ROCK1: variants seen among roughly 807,000 people sequenced by gnomAD.
ROCK1 encodes the protein rho-associated protein kinase 1.
Under a neutral mutation model 196.8 loss-of-function variants are expected in ROCK1, and 36 were observed. The ratio of observed to expected loss-of-function variants is 0.18; its 90% CI spans 0.14 to 0.24. The LOEUF (loss-of-function observed/expected upper bound fraction) is 0.24. Among genes scored for constraint, ROCK1 ranks in the 10% least tolerant of loss-of-function variants. The pLI is 1.00. For missense variants in ROCK1, 920 were observed against 1,562.0 expected (o/e 0.59, Z 6.93); for synonymous variants, 443 against 515.9 (o/e 0.86, Z 1.91).
At chr18:21,061,514 G>A (rs889678688) in intron 2 of ROCK1, among the ~76,000 whole-genome samples, 3 of 152,202 alleles carry the variant, frequency 2.0e-5, no homozygotes, top group African/African-American at 7.2e-5. Flanking sequence ...AGGAGTGGGG[G>A]TGATGGAACT....
At chr18:21,095,455 C>G (rs901274835) in intron 1 of ROCK1, among the ~76,000 whole-genome samples, 3 of 152,074 alleles carry the variant, frequency 2.0e-5, no homozygotes, top group Admixed American at 6.6e-5. Flanking sequence ...TGGAAGCAAC[C>G]TAAGTGTCCA....
chr18:20,973,179 TA>T (rs992881541), intron 22 of ROCK1, among the ~76,000 whole-genome samples: 48 of 150,922 alleles, frequency 3.2e-4, no homozygotes, highest in African/African-American at 1.1e-3. Flanking sequence ...ACGCCCGGTG[TA>T]AGAGGGTTGT....
At chr18:21,086,055 T>C (rs972069879) in intron 1 of ROCK1, among the ~76,000 whole-genome samples, 6 of 152,170 alleles carry the variant, frequency 3.9e-5, no homozygotes, top group African/African-American at 1.4e-4. Flanking sequence ...ATTTGTTATT[T>C]TGGGGAAAAA....
At chr18:21,091,061 CAATAA>C (rs2036565869) in intron 1 of ROCK1, among the ~76,000 whole-genome samples, 1 of 127,398 alleles carries the variant, frequency 7.8e-6, no homozygotes, top group African/African-American at 2.8e-5. Context: ...TTTTTTTTTT[CAATAA>C]AATATACACC....
At chr18:21,068,597 C>T (rs746934780) in intron 2 of ROCK1, among the ~76,000 whole-genome samples, 2 of 152,100 alleles carry the variant, frequency 1.3e-5, no homozygotes, top group Non-Finnish European at 2.9e-5. Context: ...TTGTACAATC[C>T]ATGAACATTG....
chr18:21,075,216 CT>C (rs1296088607), intron 1 of ROCK1, among the ~76,000 whole-genome samples: 1 of 151,968 alleles, frequency 6.6e-6, no homozygotes, highest in Non-Finnish European at 1.5e-5. Context: ...ATGAAAGCAA[CT>C]AGGAGGATAC....
intron 12 of ROCK1, among the ~76,000 whole-genome samples, chr18:21,019,574 A>G (rs754341239): frequency 9.9e-5 from 15 of 152,126 alleles, no homozygotes; most frequent in Admixed American, 2.6e-4. Context: ...CGGGCAGATC[A>G]CGAGGTCAGG....
chr18:20,972,808 G>T (rs904659875), intron 22 of ROCK1, among the ~76,000 whole-genome samples: 1 of 152,186 alleles, frequency 6.6e-6, no homozygotes, highest in African/African-American at 2.4e-5. Context: ...GAAGACGGTG[G>T]AAGATACCTG....
chr18:21,102,300 TTAC>T (rs1333077553), intron 1 of ROCK1, among the ~76,000 whole-genome samples: 4 of 152,192 alleles, frequency 2.6e-5, no homozygotes, highest in African/African-American at 9.7e-5. Context: ...CTTAATTGCT[TTAC>T]TACAAGTAAA....
At chr18:21,088,339 T>A (rs2143580399) in intron 1 of ROCK1, among the ~76,000 whole-genome samples, 1 of 152,042 alleles carries the variant, frequency 6.6e-6, no homozygotes, top group African/African-American at 2.4e-5. Flanking sequence ...TACAAAAAAA[T>A]TTAAAAATTA....
At chr18:20,996,542 G>T (rs1314378985) in intron 16 of ROCK1, among the ~76,000 whole-genome samples, 1 of 152,046 alleles carries the variant, frequency 6.6e-6, no homozygotes, top group Non-Finnish European at 1.5e-5. Flanking sequence ...TCTAGAAAAA[G>T]ATACCAATAT....
At chr18:20,986,647 T>C (rs2035580694) in intron 19 of ROCK1, among the ~76,000 whole-genome samples, 1 of 152,188 alleles carries the variant, frequency 6.6e-6, no homozygotes, top group South Asian at 2.1e-4. Context: ...TGCATTATAA[T>C]AAAGACTTTT....
At chr18:21,008,389 A>G (rs1421528964) in intron 13 of ROCK1, among the ~76,000 whole-genome samples, 195 bp from the exon 14 acceptor site, 5 of 152,118 alleles carry the variant, frequency 3.3e-5, no homozygotes, top group Admixed American at 3.3e-4. Context: ...AGACAGTGGG[A>G]ATCTGTCTTC....
At chr18:21,014,085 A>G (rs2035842630) in intron 13 of ROCK1, among the ~76,000 whole-genome samples, 1 of 151,072 alleles carries the variant, frequency 6.6e-6, no homozygotes, top group Admixed American at 6.6e-5. Flanking sequence ...AAAAAAAAAA[A>G]AGAATGAGGC....
chr18:20,964,346 A>ATTT (rs2035353736), intron 27 of ROCK1, among the ~76,000 whole-genome samples: 1 of 152,214 alleles, frequency 6.6e-6, no homozygotes, highest in Non-Finnish European at 1.5e-5. Flanking sequence ...ATGAATATCA[A>ATTT]CATTCTTTAA....
intron 4 of ROCK1, among the ~76,000 whole-genome samples, chr18:21,047,843 A>C (rs1317230475): frequency 2.0e-5 from 3 of 152,088 alleles, no homozygotes; most frequent in Non-Finnish European, 4.4e-5. Flanking sequence ...AACATTTTTC[A>C]TATCCTTTTA....
intron 13 of ROCK1, among the ~76,000 whole-genome samples, chr18:21,009,848 T>TA (rs2035801556): frequency 6.6e-6 from 1 of 152,214 alleles, no homozygotes; most frequent in Non-Finnish European, 1.5e-5. Flanking sequence ...TCCATATATC[T>TA]AAAAAGTTTA....
chr18:21,001,598 C>G (rs1349837779), intron 16 of ROCK1, among the ~76,000 whole-genome samples: 7 of 151,998 alleles, frequency 4.6e-5, no homozygotes, highest in Admixed American at 1.3e-4. Flanking sequence ...AACCCTGTCT[C>G]TACTAAAAAT....
In ROCK1 at chr18:20,959,374, G is replaced by A. The variant is rs1237313468; in HGVS notation, c.3512+466C>T. 2.0e-5 allele frequency among the ~76,000 whole-genome samples: 3 copies of A among 148,158 alleles called. No homozygotes were observed. The Admixed American group carries it at 2.1e-4, about 10-fold the overall frequency. On this transcript the variant is annotated intron_variant, in intron 29 of 32. Transcript: ENST00000399799. ...CTACAGGCGCCTGCCACCACGCCCAGCTAATTTTTGGATTTTTAGTAGAGA... is the reference window on the plus strand; with the variant it reads ...CTACAGGCGCCTGCCACCACGCCCAACTAATTTTTGGATTTTTAGTAGAGA...
Sources: gnomAD v4.1 joint callset for allele counts (sites outside exome capture counted in the v4.1 genomes callset) on GRCh38, gnomAD v4.1.1 for gene constraint, MANE v1.5 for transcripts, NCBI Gene and HGNC (gene_info 2026-07-23, HGNC 2026-07-21) for gene names.